Variants in CIDEA observed in about 807,000 individuals in gnomAD.
The protein encoded by CIDEA is cell death inducing DFFA like effector a, also known as lipid transferase CIDEA.
Under a neutral mutation model 18.2 loss-of-function variants are expected in CIDEA, and 10 were observed. That is an observed-to-expected ratio of 0.55 (90% CI 0.34 to 0.93). CIDEA has a LOEUF of 0.93. CIDEA is among the 40% of genes least tolerant of loss of function. The pLI is 0.02. For synonymous variants in CIDEA, 128 were observed against 124.8 expected (o/e 1.03, Z -0.17); for missense variants, 309 against 293.1 (o/e 1.05, Z -0.40).
chr18:12,276,057 G>A (rs915722339), intron 4 of CIDEA, among the ~76,000 whole-genome samples: 3 of 142,108 alleles, frequency 2.1e-5, no homozygotes, highest in African/African-American at 7.8e-5. Flanking sequence ...GCAGGGGCAC[G>A]ATCTCAGCTC....
chr18:12,276,738 G>A (rs565700501), intron 4 of CIDEA, among the ~76,000 whole-genome samples: 1 of 152,318 alleles, frequency 6.6e-6, no homozygotes, highest in South Asian at 2.1e-4. Context: ...CCCTAGAACA[G>A]CCCAGCAGCC....
intron 1 of CIDEA, 103 bp from the exon 2 acceptor site, chr18:12,262,722 T>G: frequency 8.9e-7 from 1 of 1,117,650 alleles, no homozygotes. Context: ...CTGAATTTCT[T>G]TCTTTTAGAT....
At chr18:12,268,921 G>A (rs996224448) in intron 3 of CIDEA, among the ~76,000 whole-genome samples, 5 of 151,218 alleles carry the variant, frequency 3.3e-5, no homozygotes, top group African/African-American at 1.2e-4. Flanking sequence ...CACCTCCTGG[G>A]TTCAAGCGAT....
chr18:12,270,009 T>G (rs534042454), intron 3 of CIDEA, among the ~76,000 whole-genome samples: 179 of 152,290 alleles, frequency 1.2e-3, no homozygotes, highest in African/African-American at 4.2e-3. Context: ...AGTTTTGACC[T>G]CTCAGTCCCT....
chr18:12,266,708 T>C (rs760374460), intron 3 of CIDEA, among the ~76,000 whole-genome samples: 6 of 151,856 alleles, frequency 4.0e-5, no homozygotes, highest in Admixed American at 1.3e-4. Flanking sequence ...TCTCTCTCTT[T>C]GGCATCCTCA....
chr18:12,264,315 T>G lies in CIDEA; in HGVS notation c.192T>G (p.Asp64Glu). 4 of 1,607,556 alleles carry G rather than the reference T, an allele frequency of 2.5e-6. No individual in the cohort carries two copies. In the Admixed American group the frequency reaches 6.8e-5, roughly 27 times the overall value. The change falls in exon 3 of 5, where the codon GAT becomes GAG. Residue 64 changes from aspartate to glutamate, a missense_variant. Asp to Glu is a conservative substitution (Grantham distance 45). Transcript: ENST00000320477. ...ATGTGTTGCACACCTAGACTCTGGA[T>G]GCCCTCGTCATCGCTACCGGACTGG... Reference protein sequence around the residue: ...SLQELISKTLDALVIATGLVT... With the variant: ...SLQELISKTLEALVIATGLVT...
intron 3 of CIDEA, among the ~76,000 whole-genome samples, chr18:12,269,596 T>C (rs1912455492): frequency 6.6e-6 from 1 of 152,232 alleles, no homozygotes; most frequent in Non-Finnish European, 1.5e-5. Flanking sequence ...GAAAAACTGA[T>C]TCACTGAGTT....
At chr18:12,275,042 G>T (rs1460915086) in intron 4 of CIDEA, among the ~76,000 whole-genome samples, 1 of 152,224 alleles carries the variant, frequency 6.6e-6, no homozygotes, top group African/African-American at 2.4e-5. Context: ...GAGAAGGTTG[G>T]TCAGGCATGG....
intron 3 of CIDEA, among the ~76,000 whole-genome samples, chr18:12,272,400 A>G (rs1912576154): frequency 2.0e-5 from 3 of 151,960 alleles, no homozygotes; most frequent in Admixed American, 2.0e-4. Context: ...TTTAGTAGAG[A>G]CAGGGTTTCG....
intron 1 of CIDEA, among the ~76,000 whole-genome samples, chr18:12,257,017 G>A (rs35244059): frequency 0.18 from 27,162 of 152,066 alleles, 2,842 homozygotes; most frequent in Non-Finnish European, 0.24. Context: ...AGGAAGTCTC[G>A]TCAAGGCAGC....
Position 12,277,472 on chromosome 18 carries a change from A to C in CIDEA, c.*202A>C. Reference sequence around the variant, plus strand: ...GGGCAGGGTGCCCTGGGGGGGAGGCATAGAGGGCCCTGGGGGTCATGGGAA... The same window carrying C: ...GGGCAGGGTGCCCTGGGGGGGAGGCCTAGAGGGCCCTGGGGGTCATGGGAA... On this transcript the variant is annotated 3_prime_UTR_variant, in exon 5 of 5. Transcript: ENST00000320477. 1.7e-6 allele frequency: 1 copy of C among 600,252 alleles called. No individual in the cohort carries two copies. Among genetic ancestry groups the C allele is most frequent in the Non-Finnish European group, 2.9e-6 (1 of 348,046 alleles). The allele number at this position is 600,252 out of a possible 1,614,324, so 37.2% of individuals were successfully genotyped here. A position where few individuals can be genotyped will look rare whatever the true frequency, so the allele number is the denominator to read the frequency against.
intron 3 of CIDEA, among the ~76,000 whole-genome samples, chr18:12,273,310 A>AC (rs1202151431): frequency 1.3e-5 from 2 of 151,968 alleles, no homozygotes; most frequent in Non-Finnish European, 2.9e-5. Context: ...CCCTGTGTAG[A>AC]CCCGAATCCT....
intron 4 of CIDEA, among the ~76,000 whole-genome samples, 188 bp downstream of exon 4, chr18:12,274,462 C>T (rs139644613): frequency 3.9e-5 from 6 of 152,288 alleles, no homozygotes; most frequent in African/African-American, 1.2e-4. Flanking sequence ...AATCTCAAGC[C>T]AAAACAGATT....
chr18:12,274,681 C>G (rs1378476042), intron 4 of CIDEA, among the ~76,000 whole-genome samples: 1 of 152,198 alleles, frequency 6.6e-6, no homozygotes, highest in African/African-American at 2.4e-5. Context: ...CTCCTGTACT[C>G]CTGATAACTT....
At chr18:12,276,454 G>A (rs1905336312) in intron 4 of CIDEA, among the ~76,000 whole-genome samples, 1 of 152,110 alleles carries the variant, frequency 6.6e-6, no homozygotes, top group Non-Finnish European at 1.5e-5. Flanking sequence ...CACCACACCT[G>A]GCCACAAAGT....
intron 3 of CIDEA, among the ~76,000 whole-genome samples, chr18:12,269,840 G>A (rs537803162): frequency 3.3e-5 from 5 of 152,150 alleles, no homozygotes; most frequent in South Asian, 2.1e-4. Context: ...TGGGACTACC[G>A]GTGCATGTCA....
chr18:12,256,541 A>G (rs1265274652), intron 1 of CIDEA, among the ~76,000 whole-genome samples: 1 of 152,234 alleles, frequency 6.6e-6, no homozygotes, highest in Non-Finnish European at 1.5e-5. Flanking sequence ...ACTATCACAG[A>G]CAAAGTCTGC....
intron 1 of CIDEA, among the ~76,000 whole-genome samples, chr18:12,261,209 TCA>T (rs1912180875): frequency 6.6e-6 from 1 of 152,114 alleles, no homozygotes; most frequent in Non-Finnish European, 1.5e-5. Context: ...ATGGTGAAAC[TCA>T]GTCTCTACTA....
chr18:12,272,919 C>T (rs1353225942), intron 3 of CIDEA, among the ~76,000 whole-genome samples: 18 of 152,300 alleles, frequency 1.2e-4, no homozygotes, highest in Non-Finnish European at 2.1e-4. Context: ...TGCCTGGCCA[C>T]AAAATGTTTC....
Sources: gnomAD v4.1 joint callset for allele counts (sites outside exome capture counted in the v4.1 genomes callset) on GRCh38, gnomAD v4.1.1 for gene constraint, MANE v1.5 for transcripts, NCBI Gene and HGNC (gene_info 2026-07-23, HGNC 2026-07-21) for gene names.